The following SPPL2A variants were observed in gnomAD, a reference collection of about 807,000 sequenced individuals.
SPPL2A encodes signal peptide peptidase-like 2A.
A neutral mutation model predicts 63.8 loss-of-function variants in SPPL2A; 51 were observed. The observed-to-expected ratio is 0.80, with a 90% CI of 0.64 to 1.01. The LOEUF is 1.01. Among genes scored for constraint, SPPL2A ranks in the 50% least tolerant of loss-of-function variants. The probability of loss-of-function intolerance (pLI) is 0.00; values close to 1 mark genes in which losing one functional copy is unlikely to be tolerated. For missense variants in SPPL2A, 553 were observed against 622.7 expected (o/e 0.89, Z 1.19); for synonymous variants, 188 against 205.8 (o/e 0.91, Z 0.74).
rs2141014271 is a variant in SPPL2A at position 50,707,109 on chromosome 15, G to C, written c.*691C>G. The C allele has an allele frequency of 6.6e-6, 1 of 152,296 alleles. No individual in the cohort carries two copies. The highest frequency in any genetic ancestry group is 2.4e-5 in the African/African-American group (1 of 41,560). The allele number at this position is 152,296 out of a possible 1,614,324, so 9.4% of individuals were successfully genotyped here. A position where few individuals can be genotyped will look rare whatever the true frequency, so the allele number is the denominator to read the frequency against. On this transcript the variant is annotated 3_prime_UTR_variant, in exon 15 of 15. Transcript: ENST00000261854. The stretch of plus-strand genomic sequence containing the variant: ...GTTAAACAGTTATTTCTACAGAGCA[G>C]ATATAATTTGCATAAATCTTTTTTT...
Position 50,703,347 on chromosome 15 carries a change from C to CATATATAT in SPPL2A, c.*4445_*4452dup, listed in dbSNP as rs1242424963. ...ATACATATATATATATATATATATA[C>CATATATAT]ATATATATATTTTTTTTTTTTTTTT... On this transcript the variant is annotated 3_prime_UTR_variant, in exon 15 of 15. Coordinates refer to ENST00000261854, the MANE Select transcript of SPPL2A (RefSeq NM_032802.4). The CATATATAT allele has an allele frequency of 8.0e-5, 5 of 62,766 alleles. No individual in the cohort carries two copies. Among genetic ancestry groups the CATATATAT allele is most frequent in the African/African-American group, 3.1e-4 (5 of 16,272 alleles). The allele number at this position is 62,766 out of a possible 1,614,324, so 3.9% of individuals were successfully genotyped here. A position where few individuals can be genotyped will look rare whatever the true frequency, so the allele number is the denominator to read the frequency against.
chr15:50,759,692 G>A (rs964887206), intron 1 of SPPL2A, among the ~76,000 whole-genome samples: 43 of 151,542 alleles, frequency 2.8e-4, no homozygotes, highest in Non-Finnish European at 2.4e-4. Flanking sequence ...GCAGTGAGCC[G>A]AGATTGCGCC....
intron 1 of SPPL2A, among the ~76,000 whole-genome samples, chr15:50,752,736 CA>C (rs890437776): frequency 6.6e-6 from 1 of 151,330 alleles, no homozygotes; most frequent in East Asian, 1.9e-4. Context: ...AAAAACAACC[CA>C]AAAAAACAAA....
At chr15:50,735,514 T>C (rs1381069579) in intron 8 of SPPL2A, among the ~76,000 whole-genome samples, 3 of 146,718 alleles carry the variant, frequency 2.0e-5, no homozygotes, top group South Asian at 2.2e-4. Flanking sequence ...CACACACACA[T>C]ACATATATAC....
chr15:50,744,598 A>T lies in SPPL2A; in HGVS notation c.584+2897T>A, dbSNP rs139750105. ...GACCGAGTTAAGGTTACTACTAAAT[A>T]GGAAAATCTGAATTTTATGTACATT... On this transcript the variant is annotated intron_variant, in intron 5 of 14. Coordinates refer to ENST00000261854, the MANE Select transcript of SPPL2A (RefSeq NM_032802.4). Among the ~76,000 whole-genome samples the T allele has an allele frequency of 2.6e-5, 4 of 152,362 alleles. No homozygotes were observed. The East Asian group carries it at 7.7e-4, about 29-fold the overall frequency.
chr15:50,719,269 A>T (rs2062625124), intron 14 of SPPL2A, among the ~76,000 whole-genome samples: 1 of 151,824 alleles, frequency 6.6e-6, no homozygotes, highest in Admixed American at 6.6e-5. Context: ...TTTGAGATGG[A>T]GTTTCACTCT....
rs1011459938 is a variant in SPPL2A at position 50,747,644 on chromosome 15, A to G, written c.451-16T>C. ...CTCCTAGAGTCTGAAAGGCAAAATA[A>G]CAGTTAAACACAGGAATAACTTTTC... On this transcript the variant is annotated splice_polypyrimidine_tract_variant and intron_variant, in intron 4 of 14. Transcript: ENST00000261854. 1 of 1,577,088 alleles carries G rather than the reference A, an allele frequency of 6.3e-7. No homozygotes were observed.
intron 1 of SPPL2A, among the ~76,000 whole-genome samples, chr15:50,755,018 C>CA (rs965924681): frequency 1.9e-4 from 28 of 148,378 alleles, no homozygotes; most frequent in East Asian, 6.0e-4. Context: ...AAAACAACAA[C>CA]AAAAAAAACG....
At chr15:50,759,734 C>T (rs1314791451) in intron 1 of SPPL2A, among the ~76,000 whole-genome samples, 1 of 149,696 alleles carries the variant, frequency 6.7e-6, no homozygotes, top group African/African-American at 2.5e-5. Flanking sequence ...CAGAACGAGA[C>T]TCTGTCTCAA....
chr15:50,747,161 C>G (rs1031670645), intron 5 of SPPL2A, among the ~76,000 whole-genome samples: 6 of 152,194 alleles, frequency 3.9e-5, no homozygotes, highest in African/African-American at 1.4e-4. Context: ...AAACTCCCCA[C>G]TTTCTCTTGC....
Position 50,706,924 on chromosome 15 carries a change from C to G in SPPL2A, c.*876G>C, listed in dbSNP as rs937816639. The G allele has an allele frequency of 6.6e-6, 1 of 152,006 alleles. No homozygotes were observed. Among genetic ancestry groups the G allele is most frequent in the East Asian group, 1.9e-4 (1 of 5,184 alleles). 9.4% of individuals were successfully genotyped at this position (152,006 alleles called of 1,614,324 possible). A position where few individuals can be genotyped will look rare whatever the true frequency, so the allele number is the denominator to read the frequency against. On this transcript the variant is annotated 3_prime_UTR_variant, in exon 15 of 15. Coordinates refer to ENST00000261854, the MANE Select transcript of SPPL2A (RefSeq NM_032802.4). Reference sequence around the variant, plus strand: ...GGAAAAATGTTCTTAATATAATACACGTGCAGTCTGAAGTAATTTCAGTTC... The same window carrying G: ...GGAAAAATGTTCTTAATATAATACAGGTGCAGTCTGAAGTAATTTCAGTTC...
At chr15:50,749,932 T>C (rs1166583422) in intron 1 of SPPL2A, 186 bp from the exon 2 acceptor site, 2 of 585,728 alleles carry the variant, frequency 3.4e-6, no homozygotes, top group African/African-American at 1.9e-5. Context: ...CTATACACAA[T>C]TGCCCAGCAC....
In SPPL2A at chr15:50,720,048, C is replaced by T. The variant is rs137902988; in HGVS notation, c.1380G>A (p.Lys460=). ...CTAAATAGAGGAGAGCAGGTTGCCC[C>T]TTTTTCATCAGCACCAGAACAACAA... is the stretch of plus-strand genomic sequence containing the variant. The part of the protein sequence containing the change: ...LTFVVLVLMK[K]GQPALLYLVP... Residue 460 remains lysine (K), a synonymous_variant, in exon 14 of 15, where the codon AAG becomes AAA. Transcript: ENST00000261854. 77 of 1,613,580 alleles carry T rather than the reference C, an allele frequency of 4.8e-5. No individual in the cohort carries two copies. In the African/African-American group the frequency reaches 9.3e-4, roughly 20 times the overall value.
intron 5 of SPPL2A, among the ~76,000 whole-genome samples, chr15:50,746,013 T>C (rs1392761246): frequency 6.6e-6 from 1 of 151,966 alleles, no homozygotes; most frequent in Admixed American, 6.6e-5. Flanking sequence ...ATCATACCAC[T>C]GCACTCCAGC....
chr15:50,720,224 T>C, intron 13 of SPPL2A, 124 bp from the exon 14 acceptor site: 1 of 680,088 alleles, frequency 1.5e-6, no homozygotes, highest in Non-Finnish European at 2.4e-6. Context: ...TGACTTCTTG[T>C]AATTTCATCA....
At chr15:50,736,849 A>G in intron 6 of SPPL2A, 109 bp from the exon 7 acceptor site, 1 of 580,580 alleles carries the variant, frequency 1.7e-6, no homozygotes, top group Non-Finnish European at 3.1e-6. Flanking sequence ...TCATACTTCC[A>G]ATGAAGTGAC....
In SPPL2A at chr15:50,720,072, A is replaced by C. The variant is rs758180965; in HGVS notation, c.1356T>G (p.Phe452Leu). ...VAYAIGMILTFVVLVLMKKGQ... is the reference protein window; with the variant it reads ...VAYAIGMILTLVVLVLMKKGQ... The stretch of plus-strand genomic sequence containing the variant: ...CCTTTTTCATCAGCACCAGAACAAC[A>C]AATGTAAGTATCATGCCAATAGCAT... Residue 452 changes from phenylalanine to leucine, a missense_variant, in exon 14 of 15, where the codon TTT becomes TTG. Physicochemically the swap from Phe to Leu is conservative, Grantham distance 22. Coordinates refer to ENST00000261854, the MANE Select transcript of SPPL2A (RefSeq NM_032802.4). 1.9e-6 allele frequency: 3 copies of C among 1,613,238 alleles called. No individual in the cohort carries two copies. Among genetic ancestry groups the C allele is most frequent in the Non-Finnish European group, 2.5e-6 (3 of 1,179,766 alleles).
At position 50,706,591 on chromosome 15, in the gene SPPL2A, A is replaced by T. The variant is rs1401794321; in HGVS notation, c.*1209T>A. On this transcript the variant is annotated 3_prime_UTR_variant, in exon 15 of 15. Coordinates refer to ENST00000261854, the MANE Select transcript of SPPL2A (RefSeq NM_032802.4). ...ATTACCTATGGGAAAAGGGGTGGGC[A>T]TCAGGAAGAAAAAAAGATAACGGGT... 2 of 152,016 alleles carry T rather than the reference A, an allele frequency of 1.3e-5. No homozygotes were observed. Among genetic ancestry groups the T allele is most frequent in the Non-Finnish European group, 2.9e-5 (2 of 67,998 alleles). 9.4% of individuals were successfully genotyped at this position (152,016 alleles called of 1,614,324 possible). A position where few individuals can be genotyped will look rare whatever the true frequency, so the allele number is the denominator to read the frequency against.
intron 1 of SPPL2A, among the ~76,000 whole-genome samples, chr15:50,762,619 T>C (rs2063022017): frequency 2.0e-5 from 3 of 152,170 alleles, no homozygotes; most frequent in Admixed American, 1.3e-4. Context: ...CTGCCTCTTC[T>C]AGATGGATGT....
Sources: gnomAD v4.1 joint callset for allele counts (sites outside exome capture counted in the v4.1 genomes callset) on GRCh38, gnomAD v4.1.1 for gene constraint, MANE v1.5 for transcripts, NCBI Gene and HGNC (gene_info 2026-07-23, HGNC 2026-07-21) for gene names.